Variants in ANKS1B observed in about 807,000 individuals in gnomAD.
ANKS1B encodes the protein ankyrin repeat and sterile alpha motif domain-containing protein 1B.
A neutral mutation model predicts 148.3 loss-of-function variants in ANKS1B; 36 were observed. The observed-to-expected ratio is 0.24, with a 90% CI of 0.19 to 0.32. The LOEUF is 0.32. ANKS1B is among the 10% of genes least tolerant of loss of function. The pLI is 1.00. For missense variants in ANKS1B, 1,157 were observed against 1,542.6 expected (o/e 0.75, Z 4.19); for synonymous variants, 542 against 560.8 (o/e 0.97, Z 0.47).
intron 12 of ANKS1B, among the ~76,000 whole-genome samples, chr12:99,390,629 G>A (rs1407220834): frequency 6.6e-6 from 1 of 152,172 alleles, no homozygotes; most frequent in South Asian, 2.1e-4. Context: ...AGAGAGCTCT[G>A]GGTTCCCAAT....
intron 1 of ANKS1B, among the ~76,000 whole-genome samples, chr12:99,885,445 C>T (rs1354050066): frequency 4.0e-5 from 6 of 151,710 alleles, no homozygotes; most frequent in African/African-American, 1.5e-4. Flanking sequence ...GGACTATAGG[C>T]ACCTGCTACC....
intron 14 of ANKS1B, among the ~76,000 whole-genome samples, chr12:99,211,528 A>C (rs1387903458): frequency 6.6e-6 from 1 of 152,216 alleles, no homozygotes; most frequent in Non-Finnish European, 1.5e-5. Context: ...CACTGATTCT[A>C]CTTTATAAAA....
chr12:99,565,452 AT>A (rs1472901500), intron 9 of ANKS1B, among the ~76,000 whole-genome samples: 1 of 152,172 alleles, frequency 6.6e-6, no homozygotes, highest in Non-Finnish European at 1.5e-5. Context: ...CACAGTTCTA[AT>A]GGGGGAAAAT....
chr12:99,092,863 C>A (rs1183538335), intron 15 of ANKS1B, among the ~76,000 whole-genome samples: 1 of 152,170 alleles, frequency 6.6e-6, no homozygotes, highest in Non-Finnish European at 1.5e-5. Context: ...TATTTATAAA[C>A]CTTACAGCAC....
At chr12:99,970,863 T>A (rs1428580069) in intron 1 of ANKS1B, among the ~76,000 whole-genome samples, 1 of 152,156 alleles carries the variant, frequency 6.6e-6, no homozygotes, top group Non-Finnish European at 1.5e-5. Flanking sequence ...TCCTACAGCA[T>A]TATTTGGTAT....
intron 1 of ANKS1B, among the ~76,000 whole-genome samples, chr12:99,888,363 C>T (rs757400269): frequency 1.3e-5 from 2 of 152,158 alleles, no homozygotes; most frequent in African/African-American, 2.4e-5. Flanking sequence ...AGAAAAGTGC[C>T]TTTTTGTTAG....
chr12:99,222,509 G>A (rs1035746325), intron 14 of ANKS1B, among the ~76,000 whole-genome samples: 1 of 152,138 alleles, frequency 6.6e-6, no homozygotes, highest in Non-Finnish European at 1.5e-5. Context: ...CCAGTTACTT[G>A]GGAGGCTGAG....
chr12:99,360,354 A>G (rs775271570), intron 12 of ANKS1B, among the ~76,000 whole-genome samples: 1 of 152,190 alleles, frequency 6.6e-6, no homozygotes, highest in Admixed American at 6.6e-5. Context: ...TACCTTGTAC[A>G]TAAAAAGAAC....
intron 10 of ANKS1B, among the ~76,000 whole-genome samples, chr12:99,478,632 A>G (rs1404160030): frequency 1.3e-5 from 2 of 152,130 alleles, no homozygotes; most frequent in Non-Finnish European, 2.9e-5. Flanking sequence ...TGAGTGAGAA[A>G]GATTTGAAAT....
At chr12:99,657,560 G>A (rs139640477) in intron 8 of ANKS1B, among the ~76,000 whole-genome samples, 2 of 151,626 alleles carry the variant, frequency 1.3e-5, no homozygotes, top group African/African-American at 4.8e-5. Context: ...ATAATAGAAG[G>A]TGATTATCAC....
At chr12:99,698,080 A>G (rs1028330472) in intron 8 of ANKS1B, among the ~76,000 whole-genome samples, 3 of 152,088 alleles carry the variant, frequency 2.0e-5, no homozygotes, top group Non-Finnish European at 4.4e-5. Flanking sequence ...TTCTCTGAGT[A>G]TACCTGTTTA....
intron 17 of ANKS1B, among the ~76,000 whole-genome samples, chr12:98,933,644 A>G (rs1011368572): frequency 5.3e-5 from 8 of 151,918 alleles, no homozygotes; most frequent in African/African-American, 1.7e-4. Flanking sequence ...CAATTTCTCC[A>G]CATTCTTGAC....
At chr12:99,241,487 C>T (rs1458624457) in intron 14 of ANKS1B, among the ~76,000 whole-genome samples, 1 of 152,196 alleles carries the variant, frequency 6.6e-6, no homozygotes, top group Admixed American at 6.5e-5. Flanking sequence ...GAACTGGTAC[C>T]ATTCCTTCTG....
chr12:99,114,725 C>G (rs1188130921), intron 15 of ANKS1B, among the ~76,000 whole-genome samples: 1 of 151,790 alleles, frequency 6.6e-6, no homozygotes, highest in African/African-American at 2.4e-5. Context: ...GTACTCCAGC[C>G]TTGGTGACAG....
chr12:99,149,067 G>T (rs2074113099), intron 15 of ANKS1B, among the ~76,000 whole-genome samples: 1 of 151,810 alleles, frequency 6.6e-6, no homozygotes, highest in South Asian at 2.1e-4. Flanking sequence ...ATTATCACGG[G>T]GGGAGGGGGG....
At chr12:99,269,644 C>T (rs1161461133) in intron 12 of ANKS1B, among the ~76,000 whole-genome samples, 2 of 152,126 alleles carry the variant, frequency 1.3e-5, no homozygotes, top group African/African-American at 4.8e-5. Flanking sequence ...CTGCAAGCTC[C>T]GCGTCCCGGG....
chr12:99,492,433 C>T (rs2096564498), intron 10 of ANKS1B, among the ~76,000 whole-genome samples: 1 of 152,120 alleles, frequency 6.6e-6, no homozygotes, highest in Non-Finnish European at 1.5e-5. Flanking sequence ...CAAAAAAAGC[C>T]TATGACTAGA....
intron 17 of ANKS1B, among the ~76,000 whole-genome samples, chr12:98,886,488 T>A (rs2099740390): frequency 6.6e-6 from 1 of 152,124 alleles, no homozygotes; most frequent in African/African-American, 2.4e-5. Context: ...CTAATAGATA[T>A]GGAAGAGATG....
intron 11 of ANKS1B, among the ~76,000 whole-genome samples, chr12:99,417,549 T>C (rs1424286334): frequency 1.3e-5 from 2 of 152,310 alleles, no homozygotes; most frequent in East Asian, 3.9e-4. Context: ...TACGTATCTA[T>C]GCAAATATTA....
Sources: allele counts gnomAD v4.1 joint callset (sites outside exome capture counted in the v4.1 genomes callset), GRCh38; gene constraint gnomAD v4.1.1; transcripts MANE v1.5; gene names NCBI Gene and HGNC (gene_info 2026-07-23, HGNC 2026-07-21).